FASTKD2: variants seen among roughly 807,000 people sequenced by gnomAD.
FASTKD2 encodes FAST kinase domains 2.
In FASTKD2, 51 loss-of-function variants were observed where a neutral mutation model predicts 63.6. The observed-to-expected ratio is 0.80, with a 90% CI of 0.64 to 1.01. The LOEUF is 1.01. Among genes scored for constraint, FASTKD2 ranks in the 50% least tolerant of loss-of-function variants. FASTKD2 has a pLI of 0.00. For missense variants in FASTKD2, 786 were observed against 831.1 expected (o/e 0.95, Z 0.67); for synonymous variants, 284 against 293.4 (o/e 0.97, Z 0.33).
rs1194909225 is a variant in FASTKD2, at chr2:206,774,229, T to C, written c.1259T>C (p.Leu420Pro). 6.2e-7 allele frequency: 1 copy of C among 1,606,798 alleles called. No homozygotes were observed. Among genetic ancestry groups the C allele is most frequent in the Non-Finnish European group, 8.5e-7 (1 of 1,174,842 alleles). The change falls in exon 7 of 12, where the codon CTT (leucine) becomes CCT (proline). Residue 420 changes from leucine to proline, a missense_variant. Coordinates refer to ENST00000402774, the MANE Select transcript of FASTKD2 (RefSeq NM_001136193.2). The part of the protein sequence containing the change: ...TFDIWKFRKV[L>P]FILILFENLG... ...CCTCAATTTTCTCTTTTTAAGGTTC[T>C]TTTTATCCTCATTTTATTTGAAAAC...
chr2:206,772,143 A>G, intron 5 of FASTKD2, 38 bp from the exon 6 acceptor site: 1 of 1,600,284 alleles, frequency 6.2e-7, no homozygotes, highest in Non-Finnish European at 8.6e-7. Context: ...CAAAACAATC[A>G]GGTAATTTTT....
intron 7 of FASTKD2, among the ~76,000 whole-genome samples, chr2:206,774,826 C>T (rs766161726): frequency 6.6e-5 from 10 of 151,904 alleles, no homozygotes; most frequent in Non-Finnish European, 5.9e-5. Flanking sequence ...ATATAGTTAA[C>T]AATATTGTAC....
Position 206,787,015 on chromosome 2 carries a change from G to A in FASTKD2, c.1594+116G>A. 4 of 706,120 alleles carry A rather than the reference G, an allele frequency of 5.7e-6. No individual in the cohort carries two copies. The South Asian group carries it at 6.4e-5, about 11-fold the overall frequency. The allele number at this position is 706,120 out of a possible 1,614,324, so 43.7% of individuals were successfully genotyped here. ...AGCAGTGTTAGTTGAAATTTGCAGAGCAGGTGTTGCTGTGGAAAGGGCTGA... is the reference window on the plus strand; with the variant it reads ...AGCAGTGTTAGTTGAAATTTGCAGAACAGGTGTTGCTGTGGAAAGGGCTGA... On this transcript the variant is annotated intron_variant, in intron 8 of 11. Coordinates refer to ENST00000402774, the MANE Select transcript of FASTKD2 (RefSeq NM_001136193.2).
chr2:206,771,811 C>A, intron 4 of FASTKD2, 83 bp from the exon 5 acceptor site: 1 of 1,151,508 alleles, frequency 8.7e-7, no homozygotes, highest in Non-Finnish European at 1.3e-6. Flanking sequence ...GGTGACAGCA[C>A]AAGACCCTGT....
At chr2:206,782,257 GC>G (rs1690010352) in intron 7 of FASTKD2, among the ~76,000 whole-genome samples, 1 of 152,186 alleles carries the variant, frequency 6.6e-6, no homozygotes, top group Non-Finnish European at 1.5e-5. Flanking sequence ...TTGGGGAGGG[GC>G]TGACCTGGGT....
rs1690364407 is a variant in FASTKD2 at position 206,793,826 on chromosome 2, G to C, written c.*2024G>C. ...ATGAAAGAAAAATGGGCAAAGAGCTGATGAACATGAAAAAAGTTCAGTCTA... is the reference window on the plus strand; with the variant it reads ...ATGAAAGAAAAATGGGCAAAGAGCTCATGAACATGAAAAAAGTTCAGTCTA... On this transcript the variant is annotated 3_prime_UTR_variant, in exon 12 of 12. Coordinates refer to ENST00000402774, the MANE Select transcript of FASTKD2 (RefSeq NM_001136193.2). 6.6e-6 allele frequency among the ~76,000 whole-genome samples: 1 copy of C among 152,166 alleles called. No individual in the cohort carries two copies. Among genetic ancestry groups the C allele is most frequent in the African/African-American group, 2.4e-5 (1 of 41,440 alleles).
chr2:206,785,181 GA>G (rs1317361642), intron 7 of FASTKD2, among the ~76,000 whole-genome samples: 2 of 152,136 alleles, frequency 1.3e-5, no homozygotes, highest in African/African-American at 2.4e-5. Flanking sequence ...GAGTATGGGG[GA>G]AACCACCCCC....
chr2:206,766,442 A>T (rs568111992), intron 1 of FASTKD2, among the ~76,000 whole-genome samples: 1 of 152,194 alleles, frequency 6.6e-6, no homozygotes, highest in African/African-American at 2.4e-5. Context: ...ACTACTTCCA[A>T]AGTGACCTGG....
chr2:206,767,988 T>C (rs1451898913), intron 2 of FASTKD2, among the ~76,000 whole-genome samples: 1 of 151,828 alleles, frequency 6.6e-6, no homozygotes, highest in Admixed American at 6.6e-5. Flanking sequence ...AATGATGGAG[T>C]TGTATGTTTG....
chr2:206,766,769 T>C lies in FASTKD2; in HGVS notation c.76T>C (p.Trp26Arg), dbSNP rs536180346. 5.0e-4 allele frequency: 802 copies of C among 1,613,976 alleles called. 11 individuals are homozygous for C. The South Asian group carries it at 8.5e-3, about 17-fold the overall frequency. Residue 26 changes from tryptophan to arginine, a missense_variant, in exon 2 of 12, where the codon TGG becomes CGG. Coordinates refer to ENST00000402774, the MANE Select transcript of FASTKD2 (RefSeq NM_001136193.2). The stretch of plus-strand genomic sequence containing the variant: ...GAATAACAAAGCGGGCTCCTTTTTC[T>C]GGAACCTTAGACAATTCAGTACATT... The part of the protein sequence containing the change: ...KMNNKAGSFF[W>R]NLRQFSTLVS...
chr2:206,765,747 A>G lies in FASTKD2; in HGVS notation c.-51A>G, dbSNP rs116297724. 9.1e-3 allele frequency: 1,462 copies of G among 159,928 alleles called. 13 individuals carry two copies. Among genetic ancestry groups the G allele is most frequent in the Non-Finnish European group, 0.013 (952 of 74,692 alleles). 9.9% of individuals were successfully genotyped at this position (159,928 alleles called of 1,614,324 possible). A position where few individuals can be genotyped will look rare whatever the true frequency, so the allele number is the denominator to read the frequency against. On this transcript the variant is annotated splice_region_variant and 5_prime_UTR_variant, in exon 1 of 12. Coordinates refer to ENST00000402774, the MANE Select transcript of FASTKD2 (RefSeq NM_001136193.2). Reference sequence around the variant, plus strand: ...GAAGAGTCTCACGAGTTGTCCTGGAAGTAAGTTTAAAGGAGGTGGGTTAAT... The same window carrying G: ...GAAGAGTCTCACGAGTTGTCCTGGAGGTAAGTTTAAAGGAGGTGGGTTAAT...
intron 5 of FASTKD2, 61 bp downstream of exon 5, chr2:206,772,078 G>A: frequency 6.2e-7 from 1 of 1,604,088 alleles, no homozygotes. Flanking sequence ...GACTATTTTT[G>A]TTTTGTTTTA....
At chr2:206,780,496 A>C (rs1460448442) in intron 7 of FASTKD2, among the ~76,000 whole-genome samples, 2 of 152,204 alleles carry the variant, frequency 1.3e-5, no homozygotes, top group African/African-American at 2.4e-5. Flanking sequence ...GTACATGAAA[A>C]GTTGCTTTTC....
chr2:206,791,626 T>A (rs1690287987), intron 11 of FASTKD2, 57 bp from the exon 12 acceptor site: 1 of 1,557,302 alleles, frequency 6.4e-7, no homozygotes, highest in East Asian at 2.2e-5. Context: ...ATCTCTAAAC[T>A]AGCTCTTTTG....
rs1690367987 is a variant in FASTKD2, at chr2:206,793,921, T to C, written c.*2119T>C. On this transcript the variant is annotated 3_prime_UTR_variant, in exon 12 of 12. Coordinates refer to ENST00000402774, the MANE Select transcript of FASTKD2 (RefSeq NM_001136193.2). ...TTCAAATTAGCAGTTTTTTTTCTTT[T>C]AAGAATTACAGTGCTGATGAAGGTA... Among the ~76,000 whole-genome samples the C allele has an allele frequency of 6.6e-6, 1 of 152,216 alleles. No homozygotes were observed. The highest frequency in any genetic ancestry group is 1.5e-5 in the Non-Finnish European group (1 of 68,036).
intron 6 of FASTKD2, among the ~76,000 whole-genome samples, chr2:206,772,792 C>T (rs1210100142): frequency 1.3e-5 from 2 of 151,916 alleles, no homozygotes; most frequent in African/African-American, 2.4e-5. Flanking sequence ...TCATTTTGCC[C>T]AACTATAGGT....
At position 206,770,194 on chromosome 2, in the gene FASTKD2, G is replaced by C. The variant is rs1052705707; in HGVS notation, c.881G>C (p.Arg294Thr). ...KNVHVLRTGFRILVDQQVWKI... is the reference protein window; with the variant it reads ...KNVHVLRTGFTILVDQQVWKI... ...GTTCATGTTCTACGAACGGGATTCA[G>C]GTGAGAACTCTCTTATGCTTTCTTC... The change falls in exon 3 of 12, where the codon AGA becomes ACA. Residue 294 changes from arginine (R) to threonine (T), a missense_variant and splice_region_variant. Transcript: ENST00000402774. 2.6e-6 allele frequency: 4 copies of C among 1,554,898 alleles called. No homozygotes were observed. The African/African-American group carries it at 5.4e-5, about 21-fold the overall frequency.
At chr2:206,781,673 CTT>C (rs59970556) in intron 7 of FASTKD2, among the ~76,000 whole-genome samples, 2,173 of 130,436 alleles carry the variant, frequency 0.017, 45 homozygotes, top group African/African-American at 0.047. Context: ...TTTTTAATTT[CTT>C]TTTTTTTTTT....
intron 2 of FASTKD2, among the ~76,000 whole-genome samples, chr2:206,768,754 A>G (rs779409268): frequency 1.3e-5 from 2 of 152,238 alleles, no homozygotes; most frequent in Admixed American, 6.5e-5. Flanking sequence ...ATAATCTGGC[A>G]TATATCCTGT....
Sources: gnomAD v4.1 joint callset for allele counts (sites outside exome capture counted in the v4.1 genomes callset) on GRCh38, gnomAD v4.1.1 for gene constraint, MANE v1.5 for transcripts, NCBI Gene and HGNC (gene_info 2026-07-23, HGNC 2026-07-21) for gene names.